AQP7: variants seen among roughly 807,000 people sequenced by gnomAD.
AQP7 encodes the protein aquaporin-7.
In AQP7, 22 loss-of-function variants were observed where a neutral mutation model predicts 26.1. That is an observed-to-expected ratio of 0.84 (90% confidence interval 0.60 to 1.20). The LOEUF is 1.20. Among genes scored for constraint, AQP7 ranks in the 50% most tolerant of loss-of-function variants. The probability of loss-of-function intolerance (pLI) is 0.00; values close to 1 mark genes in which losing one functional copy is unlikely to be tolerated. For synonymous variants in AQP7, 167 were observed against 181.7 expected, an observed-to-expected ratio of 0.92 and a Z score of 0.65; for missense variants, 412 against 457.5, an observed-to-expected ratio of 0.90 and a Z score of 0.91.
chr9:33,389,785 C>T (rs1825208946), intron 3 of AQP7, among the ~76,000 whole-genome samples: 1 of 151,904 alleles, frequency 6.6e-6, no homozygotes, highest in Non-Finnish European at 1.5e-5. Flanking sequence ...GCCTGTAATC[C>T]CAGCACTTTG....
chr9:33,385,414 A>G, intron 7 of AQP7, 124 bp from the exon 8 acceptor site: 4 of 1,186,178 alleles, frequency 3.4e-6, no homozygotes, highest in Non-Finnish European at 4.7e-6. Context: ...AACACCCCCA[A>G]CCCAGGGCCC....
Position 33,384,800 on chromosome 9 carries a change from T to C in AQP7, c.*205A>G. The C allele has an allele frequency of 1.7e-6, 1 of 597,244 alleles. No individual in the cohort carries two copies. Among genetic ancestry groups the C allele is most frequent in the Middle Eastern group, 4.6e-4 (1 of 2,170 alleles). 37.0% of individuals were successfully genotyped at this position (597,244 alleles called of 1,614,324 possible). On this transcript the variant is annotated 3_prime_UTR_variant, in exon 8 of 8. Coordinates refer to ENST00000297988, the MANE Select transcript of AQP7 (RefSeq NM_001170.3). ...AGGGCGCAGGTCATCTCTTCCCCATTCTCCCCCTGGGGCACCCCAGTTCCC... is the reference window on the plus strand; with the variant it reads ...AGGGCGCAGGTCATCTCTTCCCCATCCTCCCCCTGGGGCACCCCAGTTCCC...
chr9:33,397,100 CAA>C (rs35294363), intron 2 of AQP7, among the ~76,000 whole-genome samples: 105 of 78,166 alleles, frequency 1.3e-3, no homozygotes, highest in Middle Eastern at 6.3e-3. Context: ...CACCCTGTCT[CAA>C]AAAAAAAAAA....
At chr9:33,399,541 C>T (rs1260137078) in intron 2 of AQP7, among the ~76,000 whole-genome samples, 2 of 151,676 alleles carry the variant, frequency 1.3e-5, no homozygotes, top group Non-Finnish European at 2.9e-5. Context: ...GCAGAAGTTG[C>T]AGTGAGCCGA....
At chr9:33,388,384 G>A (rs1395520193) in intron 3 of AQP7, among the ~76,000 whole-genome samples, 1 of 152,028 alleles carries the variant, frequency 6.6e-6, no homozygotes, top group Non-Finnish European at 1.5e-5. Flanking sequence ...CCTCCTCCTT[G>A]CAGCCAGAGT....
Position 33,386,828 on chromosome 9 carries a change from G to C in AQP7, c.268+141C>G, listed in dbSNP as rs2380973. 551 of 1,275,888 alleles carry C rather than the reference G, an allele frequency of 4.3e-4. 5 individuals carry two copies. The South Asian group carries it at 5.9e-3, about 14-fold the overall frequency. 79.0% of individuals were successfully genotyped at this position (1,275,888 alleles called of 1,614,324 possible). Reference sequence around the variant, plus strand: ...GGGGCAAACACGTCATAGGCACGGGGTTCAGAGGAGACTTCCTCCCGCCCG... The same window carrying C: ...GGGGCAAACACGTCATAGGCACGGGCTTCAGAGGAGACTTCCTCCCGCCCG... On this transcript the variant is annotated intron_variant, in intron 4 of 7. Coordinates refer to ENST00000297988, the MANE Select transcript of AQP7 (RefSeq NM_001170.3).
intron 4 of AQP7, 85 bp downstream of exon 4, chr9:33,386,884 C>T: frequency 1.3e-6 from 2 of 1,585,462 alleles, no homozygotes; most frequent in South Asian, 2.3e-5. Context: ...GCTGTGCTGG[C>T]AAAGAAGCTG....
chr9:33,384,801 C>G lies in AQP7; in HGVS notation c.*204G>C, dbSNP rs1476762710. ...GGGCGCAGGTCATCTCTTCCCCATT[C>G]TCCCCCTGGGGCACCCCAGTTCCCA... On this transcript the variant is annotated 3_prime_UTR_variant, in exon 8 of 8. Transcript: ENST00000297988. The G allele has an allele frequency of 1.7e-6, 1 of 600,754 alleles. No homozygotes were observed. The highest frequency in any genetic ancestry group is 2.9e-6 in the Non-Finnish European group (1 of 346,480). The allele number at this position is 600,754 out of a possible 1,614,324, so 37.2% of individuals were successfully genotyped here.
At chr9:33,394,990 A>G in intron 3 of AQP7, 88 bp downstream of exon 3, 7 of 1,153,628 alleles carry the variant, frequency 6.1e-6, no homozygotes, top group Non-Finnish European at 9.1e-6. Context: ...CAAGGAATGG[A>G]CAATGTGACC....
chr9:33,399,342 C>G (rs1339819122), intron 2 of AQP7, among the ~76,000 whole-genome samples: 1 of 152,058 alleles, frequency 6.6e-6, no homozygotes, highest in African/African-American at 2.4e-5. Context: ...TGCCTGTAAT[C>G]CCAACACTTT....
intron 3 of AQP7, among the ~76,000 whole-genome samples, chr9:33,389,134 T>A (rs532765508): frequency 1.3e-5 from 2 of 152,050 alleles, no homozygotes; most frequent in South Asian, 4.2e-4. Context: ...TTCAAGTGAT[T>A]CTCCTGCCTT....
At chr9:33,391,894 G>C (rs1330659219) in intron 3 of AQP7, among the ~76,000 whole-genome samples, 1 of 152,226 alleles carries the variant, frequency 6.6e-6, no homozygotes, top group African/African-American at 2.4e-5. Flanking sequence ...CTGAGGCCGA[G>C]AGAGGCATCT....
rs1824516320 is a variant in AQP7 at position 33,383,618 on chromosome 9, G to A, written c.*1387C>T. On this transcript the variant is annotated 3_prime_UTR_variant, in exon 8 of 8. Coordinates refer to ENST00000297988, the MANE Select transcript of AQP7 (RefSeq NM_001170.3). ...TGTTAGGTGCCCGGCTGCTGCTCCT[G>A]GGTCATCACTTTCGCAGGCCCATCT... 1 of 152,504 alleles carries A rather than the reference G, an allele frequency of 6.6e-6. No individual in the cohort carries two copies. Among genetic ancestry groups the A allele is most frequent in the African/African-American group, 2.4e-5 (1 of 41,384 alleles). The allele number at this position is 152,504 out of a possible 1,614,324, so 9.4% of individuals were successfully genotyped here.
At chr9:33,390,689 G>T (rs1825308023) in intron 3 of AQP7, among the ~76,000 whole-genome samples, 1 of 152,174 alleles carries the variant, frequency 6.6e-6, no homozygotes, top group Non-Finnish European at 1.5e-5. Context: ...GCAGGGGGGA[G>T]TGAGGCCAGG....
intron 2 of AQP7, among the ~76,000 whole-genome samples, chr9:33,396,907 G>A (rs1355925284): frequency 2.6e-5 from 4 of 151,432 alleles, no homozygotes; most frequent in East Asian, 1.9e-4. Context: ...ACCAGCCTGG[G>A]CAGTATGACA....
intron 2 of AQP7, chr9:33,401,007 C>T (rs1224114209): frequency 7.8e-5 from 45 of 577,048 alleles, no homozygotes; most frequent in South Asian, 9.9e-5. Context: ...CATGCCTTGA[C>T]CCTCATCCAA....
At chr9:33,387,114 G>A (rs759309813) in intron 3 of AQP7, 22 bp from the exon 4 acceptor site, 1 of 1,608,440 alleles carries the variant, frequency 6.2e-7, no homozygotes, top group Non-Finnish European at 8.5e-7. Flanking sequence ...GGCCTCTAAG[G>A]GGGCTGCCTG....
At chr9:33,387,594 T>G (rs1824977948) in intron 3 of AQP7, among the ~76,000 whole-genome samples, 1 of 152,104 alleles carries the variant, frequency 6.6e-6, no homozygotes, top group Non-Finnish European at 1.5e-5. Flanking sequence ...GGGCCCTAAC[T>G]GTCTTGCCCT....
At chr9:33,387,177 C>A (rs1489178949) in intron 3 of AQP7, 85 bp from the exon 4 acceptor site, 3 of 1,427,594 alleles carry the variant, frequency 2.1e-6, no homozygotes, top group East Asian at 2.3e-5. Context: ...TAGCTCCTCA[C>A]CCCCATGCCC....
Sources: allele counts gnomAD v4.1 joint callset (sites outside exome capture counted in the v4.1 genomes callset), GRCh38; gene constraint gnomAD v4.1.1; transcripts MANE v1.5; gene names NCBI Gene and HGNC (gene_info 2026-07-23, HGNC 2026-07-21).